SLC2A13: variants seen among roughly 807,000 people sequenced by gnomAD.
SLC2A13 encodes the protein proton myo-inositol cotransporter.
Under a neutral mutation model 64.4 loss-of-function variants are expected in SLC2A13, and 32 were observed. The observed-to-expected ratio is 0.50, with a 90% CI of 0.37 to 0.67. The LOEUF (loss-of-function observed/expected upper bound fraction) is 0.67. SLC2A13 is among the 30% of genes least tolerant of loss of function. The pLI, the probability that SLC2A13 is intolerant of heterozygous loss-of-function variation, is 0.00. For missense variants in SLC2A13, 743 were observed against 829.2 expected (o/e 0.90, Z 1.28); for synonymous variants, 338 against 327.1 (o/e 1.03, Z -0.36).
At chr12:39,775,836 A>G (rs1267208280) in intron 7 of SLC2A13, among the ~76,000 whole-genome samples, 1 of 152,246 alleles carries the variant, frequency 6.6e-6, no homozygotes, top group East Asian at 1.9e-4. Flanking sequence ...ACTTGAGACC[A>G]GAAGTGTTTC....
chr12:39,807,057 G>C (rs1941999613), intron 7 of SLC2A13, among the ~76,000 whole-genome samples: 1 of 152,104 alleles, frequency 6.6e-6, no homozygotes, highest in Non-Finnish European at 1.5e-5. Context: ...TGGTGCAAAA[G>C]TAATTATAGT....
At chr12:39,893,256 A>G (rs750589666) in intron 4 of SLC2A13, among the ~76,000 whole-genome samples, 50 of 152,206 alleles carry the variant, frequency 3.3e-4, no homozygotes, top group Non-Finnish European at 5.4e-4. Context: ...AATTTTATCT[A>G]TGTCTATTTT....
chr12:39,923,215 T>G (rs11174292), intron 4 of SLC2A13, among the ~76,000 whole-genome samples: 12,994 of 151,800 alleles, frequency 0.086, 694 homozygotes, highest in Admixed American at 0.14. Flanking sequence ...CTAATGATCA[T>G]TGCAGAATTA....
chr12:40,008,093 G>C (rs1465049984), intron 3 of SLC2A13, among the ~76,000 whole-genome samples: 1 of 151,884 alleles, frequency 6.6e-6, no homozygotes, highest in Non-Finnish European at 1.5e-5. Context: ...AAACATTTAA[G>C]GATTTTTTTT....
At chr12:40,026,444 C>T (rs1947808219) in intron 3 of SLC2A13, among the ~76,000 whole-genome samples, 1 of 152,118 alleles carries the variant, frequency 6.6e-6, no homozygotes, top group Non-Finnish European at 1.5e-5. Flanking sequence ...ATAATTGCAA[C>T]CCTATGTACC....
At chr12:40,043,994 T>A (rs1253105211) in intron 2 of SLC2A13, among the ~76,000 whole-genome samples, 11 of 152,220 alleles carry the variant, frequency 7.2e-5, no homozygotes, top group Non-Finnish European at 1.5e-5. Context: ...CAGATAGGTG[T>A]ATATCCAAGA....
intron 4 of SLC2A13, among the ~76,000 whole-genome samples, chr12:39,889,890 ACT>A (rs1466098807): frequency 6.6e-6 from 1 of 151,776 alleles, no homozygotes; most frequent in East Asian, 1.9e-4. Context: ...TATTTACAAA[ACT>A]CTCTATAATC....
chr12:39,838,022 C>G (rs1592189679), intron 6 of SLC2A13, among the ~76,000 whole-genome samples: 2 of 150,996 alleles, frequency 1.3e-5, no homozygotes, highest in Non-Finnish European at 2.9e-5. Context: ...AATCATGCTG[C>G]TATAAAGACA....
chr12:39,774,258 G>A (rs765443426), intron 7 of SLC2A13, among the ~76,000 whole-genome samples: 9 of 152,098 alleles, frequency 5.9e-5, no homozygotes, highest in Non-Finnish European at 1.2e-4. Context: ...CCCAACCAGA[G>A]ATTTAGGATG....
chr12:39,967,486 C>A (rs937303783), intron 3 of SLC2A13, among the ~76,000 whole-genome samples: 2 of 152,132 alleles, frequency 1.3e-5, no homozygotes, highest in South Asian at 2.1e-4. Flanking sequence ...ACTATTCTAG[C>A]AACATTTACA....
At chr12:40,043,998 T>A (rs1948134933) in intron 2 of SLC2A13, among the ~76,000 whole-genome samples, 1 of 152,206 alleles carries the variant, frequency 6.6e-6, no homozygotes, top group African/African-American at 2.4e-5. Flanking sequence ...TAGGTGTATA[T>A]CCAAGAGAAG....
chr12:39,832,396 C>G (rs1305848241), intron 6 of SLC2A13, among the ~76,000 whole-genome samples: 1 of 152,044 alleles, frequency 6.6e-6, no homozygotes, highest in African/African-American at 2.4e-5. Flanking sequence ...TTTTATTTCT[C>G]CGAAAATATG....
At chr12:40,035,127 G>T (rs1168776256) in intron 2 of SLC2A13, among the ~76,000 whole-genome samples, 1 of 152,102 alleles carries the variant, frequency 6.6e-6, no homozygotes, top group African/African-American at 2.4e-5. Context: ...ATGTTCCAAT[G>T]AATTTTGAAT....
chr12:40,010,066 A>G (rs1947502300), intron 3 of SLC2A13, among the ~76,000 whole-genome samples: 1 of 152,260 alleles, frequency 6.6e-6, no homozygotes, highest in Non-Finnish European at 1.5e-5. Context: ...ATACAGGCAC[A>G]TGGCAACTCA....
intron 3 of SLC2A13, among the ~76,000 whole-genome samples, chr12:40,008,951 G>A (rs1240379185): frequency 6.6e-6 from 1 of 152,198 alleles, no homozygotes; most frequent in African/African-American, 2.4e-5. Context: ...AACAGAATGT[G>A]ACATTCCATA....
chr12:39,847,760 T>C (rs757137434), intron 6 of SLC2A13, among the ~76,000 whole-genome samples: 4 of 152,178 alleles, frequency 2.6e-5, no homozygotes, highest in African/African-American at 7.2e-5. Flanking sequence ...TCTTCTGTAA[T>C]ATACAGCCTA....
chr12:39,914,507 G>A (rs1945488481), intron 4 of SLC2A13, among the ~76,000 whole-genome samples: 1 of 151,962 alleles, frequency 6.6e-6, no homozygotes, highest in Non-Finnish European at 1.5e-5. Context: ...GGAACTCAGA[G>A]TACTGGAGAG....
At chr12:40,034,759 G>T (rs1994090) in intron 2 of SLC2A13, among the ~76,000 whole-genome samples, 127,334 of 152,148 alleles carry the variant, frequency 0.84, 53,538 homozygotes, top group East Asian at 0.94. Flanking sequence ...ATTAGTTCAC[G>T]GAAAATAAAA....
Position 39,857,479 on chromosome 12 carries a change from T to A in SLC2A13, c.1319+7283A>T, listed in dbSNP as rs1265734546. ...AGCCTTGCCATTCCCCTCCAAAATA[T>A]CTCGTTTCTCTATATCCACTGTCAC... On this transcript the variant is annotated intron_variant, in intron 6 of 9. Transcript: ENST00000280871. Among the ~76,000 whole-genome samples the A allele has an allele frequency of 4.6e-5, 7 of 152,158 alleles. No homozygotes were observed. In the East Asian group the frequency reaches 1.2e-3, roughly 25 times the overall value.
Sources: gnomAD v4.1 joint callset for allele counts (sites outside exome capture counted in the v4.1 genomes callset) on GRCh38, gnomAD v4.1.1 for gene constraint, MANE v1.5 for transcripts, NCBI Gene and HGNC (gene_info 2026-07-23, HGNC 2026-07-21) for gene names.